CDRT4: variants seen among roughly 807,000 people sequenced by gnomAD.
The protein encoded by CDRT4 is CMT1A duplicated region transcript 4.
For missense variants in CDRT4, 167 were observed against 193.1 expected (o/e 0.87, Z 0.80); for synonymous variants, 64 against 69.6 (o/e 0.92, Z 0.40).
At chr17:15,458,404 CA>C (rs1979584241) in intron 1 of CDRT4, among the ~76,000 whole-genome samples, 1 of 152,078 alleles carries the variant, frequency 6.6e-6, no homozygotes, top group African/African-American at 2.4e-5. Flanking sequence ...TTCTCACAGT[CA>C]GAGTGGAGGG....
intron 2 of CDRT4, among the ~76,000 whole-genome samples, chr17:15,441,703 C>T (rs1978769420): frequency 6.6e-6 from 1 of 152,142 alleles, no homozygotes; most frequent in African/African-American, 2.4e-5. Context: ...TATAACACAT[C>T]TAACAAAGGA....
chr17:15,440,624 C>T (rs1401334063), intron 2 of CDRT4, among the ~76,000 whole-genome samples: 2 of 152,094 alleles, frequency 1.3e-5, no homozygotes. Flanking sequence ...AAAAAGTCCC[C>T]GTTTCAAAAC....
At position 15,464,890 on chromosome 17, in the gene CDRT4, GCA is replaced by G. The variant is rs1011594049; in HGVS notation, c.-130+2568_-130+2569del. On this transcript the variant is annotated intron_variant, in intron 1 of 3. Coordinates refer to ENST00000619038, the MANE Select transcript of CDRT4 (RefSeq NM_001204477.2). This position sits in a 1 kb window ranked among gnomAD's most constrained non-coding sequence, Gnocchi z 4.5. ...AACCAGCAGGGATACGGGAACAGAG[GCA>G]CAGACATCAAGCAGGGTTCAAGAAA... Among the ~76,000 whole-genome samples, 1 of 152,020 alleles carries G rather than the reference GCA, an allele frequency of 6.6e-6. No individual in the cohort carries two copies. Among genetic ancestry groups the G allele is most frequent in the African/African-American group, 2.4e-5 (1 of 41,368 alleles).
chr17:15,462,132 G>A (rs928548471), intron 1 of CDRT4, among the ~76,000 whole-genome samples: 10 of 128,824 alleles, frequency 7.8e-5, no homozygotes, highest in African/African-American at 2.7e-4. Context: ...GAGGTCTCTA[G>A]CAAGAAAAGA....
rs1430024554 is a variant in CDRT4 at position 15,464,984 on chromosome 17, CACAGACACACGCAAT to C, written c.-130+2461_-130+2475del. On this transcript the variant is annotated intron_variant, in intron 1 of 3. Transcript: ENST00000619038. The surrounding 1 kb of genome is among the most constrained non-coding windows in gnomAD (Gnocchi z 4.5). ...ACACACACCAACAGACACACCAACACACAGACACACGCAATACAGACACACACAACACAGACACAC... is the reference window on the plus strand; with the variant it reads ...ACACACACCAACAGACACACCAACACACAGACACACACAACACAGACACAC... 6.6e-6 allele frequency among the ~76,000 whole-genome samples: 1 copy of C among 150,732 alleles called. No homozygotes were observed. Among genetic ancestry groups the C allele is most frequent in the Non-Finnish European group, 1.5e-5 (1 of 67,624 alleles).
At chr17:15,465,496 AAC>A (rs900113244) in intron 1 of CDRT4, among the ~76,000 whole-genome samples, 17 of 149,852 alleles carry the variant, frequency 1.1e-4, no homozygotes, top group African/African-American at 4.2e-4. Context: ...CAGACATACA[AAC>A]ACAGACACAC....
At chr17:15,441,064 C>T (rs1356023171) in intron 2 of CDRT4, among the ~76,000 whole-genome samples, 1 of 152,212 alleles carries the variant, frequency 6.6e-6, no homozygotes, top group Non-Finnish European at 1.5e-5. Flanking sequence ...CTCTAAGACA[C>T]ATGCGTATGC....
chr17:15,444,156 T>C, intron 2 of CDRT4: 2 of 1,233,832 alleles, frequency 1.6e-6, no homozygotes, highest in Non-Finnish European at 2.3e-6. Flanking sequence ...TATATATGTC[T>C]CTGAAAAAGG....
intron 3 of CDRT4, chr17:15,439,165 T>C (rs751317226): frequency 2.2e-6 from 1 of 456,252 alleles, no homozygotes; most frequent in South Asian, 1.5e-5. Flanking sequence ...TGTGTTCTTA[T>C]GTGGTGCATT....
chr17:15,442,168 T>TGG (rs1318923501), intron 2 of CDRT4, among the ~76,000 whole-genome samples: 1 of 152,178 alleles, frequency 6.6e-6, no homozygotes, highest in Non-Finnish European at 1.5e-5. Context: ...CCCAGCACTT[T>TGG]GGGAGACCAC....
At chr17:15,456,611 G>C (rs1459418396) in intron 1 of CDRT4, among the ~76,000 whole-genome samples, 1 of 148,160 alleles carries the variant, frequency 6.7e-6, no homozygotes, top group Non-Finnish European at 1.5e-5. Flanking sequence ...TCAGGAGTAG[G>C]TTTCCAGAAT....
chr17:15,443,832 C>T (rs768482201), intron 2 of CDRT4: 42 of 562,232 alleles, frequency 7.5e-5, no homozygotes, highest in Non-Finnish European at 1.2e-4. Flanking sequence ...GAACTGCTAC[C>T]GTTTGGACTA....
At chr17:15,438,643 C>A (rs1363721626) in intron 3 of CDRT4, among the ~76,000 whole-genome samples, 2 of 152,156 alleles carry the variant, frequency 1.3e-5, no homozygotes, top group African/African-American at 4.8e-5. Flanking sequence ...AGCTGTGAAC[C>A]TTGAACAAGT....
At chr17:15,455,624 C>T (rs987651343) in intron 1 of CDRT4, among the ~76,000 whole-genome samples, 2 of 152,204 alleles carry the variant, frequency 1.3e-5, no homozygotes, top group African/African-American at 4.8e-5. Context: ...CTCTCTTTCT[C>T]GTTCATCTTA....
Position 15,437,873 on chromosome 17 carries a change from T to C in CDRT4, c.359A>G (p.His120Arg), listed in dbSNP as rs1023351800. The change falls in exon 4 of 4, where the codon CAC (histidine) becomes CGC (arginine). Residue 120 changes from histidine to arginine, a missense_variant. His to Arg is a conservative substitution (Grantham distance 29). Transcript: ENST00000619038. Reference sequence around the variant, plus strand: ...ACAGTCTCTGGAATCCGCATGTAAGTGTGTGGGTTCTGGGATCATGGTAGG... The same window carrying C: ...ACAGTCTCTGGAATCCGCATGTAAGCGTGTGGGTTCTGGGATCATGGTAGG... ...MAPTMIPEPT[H>R]LHADSRDCPT... 5.0e-6 allele frequency: 8 copies of C among 1,614,036 alleles called. No individual in the cohort carries two copies. In the African/African-American group the frequency reaches 5.3e-5, roughly 11 times the overall value.
rs1037496054 is a variant in CDRT4, at chr17:15,444,021, G to A, written c.-47-3736C>T. 2.1e-5 allele frequency: 17 copies of A among 808,276 alleles called. No homozygotes were observed. The Admixed American group carries it at 2.9e-4, about 14-fold the overall frequency. The allele number at this position is 808,276 out of a possible 1,614,324, so 50.1% of individuals were successfully genotyped here. A position where few individuals can be genotyped will look rare whatever the true frequency, so the allele number is the denominator to read the frequency against. On this transcript the variant is annotated intron_variant, in intron 2 of 3. Coordinates refer to ENST00000619038, the MANE Select transcript of CDRT4 (RefSeq NM_001204477.2). ...CAGGGTTTGGATGAGACCAAGTGTTGCCTGTTCAGTATCTCAAACCCAGAA... is the reference window on the plus strand; with the variant it reads ...CAGGGTTTGGATGAGACCAAGTGTTACCTGTTCAGTATCTCAAACCCAGAA...
At chr17:15,451,879 G>A (rs183556114) in intron 2 of CDRT4, among the ~76,000 whole-genome samples, 2 of 152,254 alleles carry the variant, frequency 1.3e-5, no homozygotes, top group Admixed American at 1.3e-4. Context: ...TAACCAACTA[G>A]ACTATAAGCC....
intron 3 of CDRT4, chr17:15,439,216 G>A (rs979212585): frequency 6.6e-6 from 3 of 453,918 alleles, no homozygotes; most frequent in Middle Eastern, 3.2e-4. Context: ...TTCAACTGGA[G>A]TTTTGCAGGG....
At chr17:15,461,651 C>T (rs766270956) in intron 1 of CDRT4, among the ~76,000 whole-genome samples, 8 of 152,204 alleles carry the variant, frequency 5.3e-5, no homozygotes, top group Admixed American at 2.0e-4. Flanking sequence ...AGACCAGTGT[C>T]ATCTAGGGAC....
Sources: allele counts gnomAD v4.1 joint callset (sites outside exome capture counted in the v4.1 genomes callset), GRCh38; gene constraint gnomAD v4.1.1; non-coding constraint Gnocchi (gnomAD v3.1); transcripts MANE v1.5; gene names NCBI Gene and HGNC (gene_info 2026-07-23, HGNC 2026-07-21).